ABCC4: variants seen among roughly 807,000 people sequenced by gnomAD.
ABCC4 encodes ATP binding cassette subfamily C member 4 (PEL blood group).
A neutral mutation model predicts 168.5 loss-of-function variants in ABCC4; 102 were observed. The observed-to-expected ratio is 0.61, with a 90% CI of 0.52 to 0.71. The LOEUF (loss-of-function observed/expected upper bound fraction) is 0.71. ABCC4 is among the 30% of genes least tolerant of loss of function. The pLI is 0.00. For synonymous variants in ABCC4, 617 were observed against 590.7 expected, an observed-to-expected ratio of 1.04 and a Z score of -0.65; for missense variants, 1,402 against 1,605.8, an observed-to-expected ratio of 0.87 and a Z score of 2.17.
At chr13:95,291,222 G>A (rs1191403787) in intron 1 of ABCC4, among the ~76,000 whole-genome samples, 2 of 152,032 alleles carry the variant, frequency 1.3e-5, no homozygotes, top group African/African-American at 4.8e-5. Context: ...AGCTGTGGTG[G>A]CCCGCACCTG....
chr13:95,248,249 C>G (rs1463749681), intron 1 of ABCC4, among the ~76,000 whole-genome samples: 1 of 152,110 alleles, frequency 6.6e-6, no homozygotes. Flanking sequence ...TGAATTCTAA[C>G]CCACTGAATA....
intron 27 of ABCC4, among the ~76,000 whole-genome samples, chr13:95,049,183 A>C (rs1272676308): frequency 6.6e-6 from 1 of 151,666 alleles, no homozygotes; most frequent in Admixed American, 6.6e-5. Context: ...AAAATACAAA[A>C]ATTAGCCAGG....
chr13:95,259,215 T>C (rs1019967700), intron 1 of ABCC4, among the ~76,000 whole-genome samples: 2 of 152,036 alleles, frequency 1.3e-5, no homozygotes, highest in Admixed American at 1.3e-4. Context: ...GGAGAAATCC[T>C]ATCTCTACTA....
intron 20 of ABCC4, among the ~76,000 whole-genome samples, chr13:95,103,544 G>A (rs988101518): frequency 3.9e-5 from 6 of 152,150 alleles, no homozygotes; most frequent in Non-Finnish European, 5.9e-5. Flanking sequence ...GCCTTCTACT[G>A]GGACACAGCC....
intron 1 of ABCC4, among the ~76,000 whole-genome samples, chr13:95,297,082 C>A (rs1380759019): frequency 3.3e-5 from 5 of 151,884 alleles, no homozygotes; most frequent in Non-Finnish European, 7.4e-5. Flanking sequence ...ACCAGCCTGG[C>A]CAACATGGTG....
chr13:95,212,090 C>G (rs1354351487), intron 4 of ABCC4, among the ~76,000 whole-genome samples: 2 of 149,358 alleles, frequency 1.3e-5, no homozygotes, highest in Non-Finnish European at 3.0e-5. Context: ...GGCAGAAAAT[C>G]ACTTGAACCG....
chr13:95,188,312 A>G, intron 10 of ABCC4, 141 bp downstream of exon 10: 1 of 740,772 alleles, frequency 1.3e-6, no homozygotes, highest in Non-Finnish European at 2.4e-6. Flanking sequence ...TTCTTGCAAA[A>G]CGAATGTTCC....
intron 19 of ABCC4, among the ~76,000 whole-genome samples, chr13:95,132,102 T>C (rs1285619102): frequency 1.3e-5 from 2 of 152,166 alleles, no homozygotes; most frequent in Admixed American, 6.5e-5. Flanking sequence ...CAGTTGGTTG[T>C]CCCTCTCTAT....
At chr13:95,080,046 G>A (rs952699919) in intron 21 of ABCC4, among the ~76,000 whole-genome samples, 3 of 152,058 alleles carry the variant, frequency 2.0e-5, no homozygotes, top group Admixed American at 1.3e-4. Flanking sequence ...TGTAGCCCAC[G>A]CTTTAAAAAT....
chr13:95,102,190 G>T (rs1204461901), intron 20 of ABCC4, among the ~76,000 whole-genome samples: 1 of 152,124 alleles, frequency 6.6e-6, no homozygotes, highest in African/African-American at 2.4e-5. Flanking sequence ...TGTTGCTCAG[G>T]CTGGAGTGCA....
At chr13:95,096,167 C>T (rs1422683759) in intron 20 of ABCC4, 7 of 636,502 alleles carry the variant, frequency 1.1e-5, no homozygotes, top group Admixed American at 5.1e-5. Flanking sequence ...GACAACACAG[C>T]GAGATCCCAT....
chr13:95,034,308 C>T (rs2032023559), intron 30 of ABCC4, among the ~76,000 whole-genome samples: 1 of 152,170 alleles, frequency 6.6e-6, no homozygotes. Flanking sequence ...AGAATCTGAA[C>T]CCACAGAGTC....
intron 20 of ABCC4, 74 bp downstream of exon 20, chr13:95,115,848 C>T: frequency 1.3e-5 from 16 of 1,239,904 alleles, no homozygotes; most frequent in Non-Finnish European, 1.6e-5. Flanking sequence ...CACCCCCAGA[C>T]CCCATGAAAA....
intron 30 of ABCC4, among the ~76,000 whole-genome samples, chr13:95,024,956 A>G (rs921422389): frequency 1.3e-5 from 2 of 152,000 alleles, no homozygotes; most frequent in African/African-American, 4.8e-5. Context: ...GGCAAGGCTG[A>G]GAAGATGTCT....
At chr13:95,244,364 G>C (rs1250185960) in intron 3 of ABCC4, among the ~76,000 whole-genome samples, 1 of 151,756 alleles carries the variant, frequency 6.6e-6, no homozygotes, top group East Asian at 1.9e-4. Context: ...GAGAGGCCAA[G>C]GTGGGAGGAT....
chr13:95,214,790 G>A (rs563966836), intron 4 of ABCC4, among the ~76,000 whole-genome samples: 4 of 150,436 alleles, frequency 2.7e-5, no homozygotes, highest in African/African-American at 9.8e-5. Flanking sequence ...GGAGGCTCAG[G>A]CAGGAAAATC....
chr13:95,170,701 A>G (rs2037439897), intron 13 of ABCC4, 73 bp from the exon 14 acceptor site: 1 of 884,554 alleles, frequency 1.1e-6, no homozygotes, highest in Non-Finnish European at 1.8e-6. Context: ...ATACATTTTG[A>G]AACCGTAGTC....
chr13:95,126,720 A>AAT (rs71111594), intron 19 of ABCC4, among the ~76,000 whole-genome samples: 4,444 of 81,610 alleles, frequency 0.054, 530 homozygotes, highest in East Asian at 0.12. Flanking sequence ...CTTTTTTTGG[A>AAT]ATATATATAT....
intron 30 of ABCC4, among the ~76,000 whole-genome samples, chr13:95,033,748 C>T (rs574316743): frequency 7.2e-5 from 11 of 151,968 alleles, no homozygotes; most frequent in African/African-American, 2.2e-4. Flanking sequence ...CCGCAACCTC[C>T]GCCTCCTCGG....
Sources: allele counts gnomAD v4.1 joint callset (sites outside exome capture counted in the v4.1 genomes callset), GRCh38; gene constraint gnomAD v4.1.1; transcripts MANE v1.5; gene names NCBI Gene and HGNC (gene_info 2026-07-23, HGNC 2026-07-21).